Variants in PCDH11X observed in about 807,000 individuals in gnomAD.
The protein encoded by PCDH11X is protocadherin-11 X-linked.
A neutral mutation model predicts 53.3 loss-of-function variants in PCDH11X; 18 were observed. That is an observed-to-expected ratio of 0.34 (90% CI 0.23 to 0.50). PCDH11X has a LOEUF of 0.50. Among genes scored for constraint, PCDH11X ranks in the 20% least tolerant of loss-of-function variants. PCDH11X has a pLI of 0.98. For synonymous variants in PCDH11X, 279 were observed against 393.3 expected (o/e 0.71, Z 3.44); for missense variants, 570 against 1,032.4 (o/e 0.55, Z 6.14).
At chrX:92,321,320 G>A (rs2069201600) in intron 8 of PCDH11X, among the ~76,000 whole-genome samples, 1 of 107,308 alleles carries the variant, frequency 9.3e-6, no homozygotes, top group African/African-American at 3.4e-5. Flanking sequence ...AGCCTCCCGA[G>A]TAGCTGGAAC....
At position 92,214,055 on chromosome X, in the gene PCDH11X, A is replaced by G. The variant is rs373708572; in HGVS notation, c.3114+12600A>G. Among the ~76,000 whole-genome samples the G allele has an allele frequency of 2.8e-4, 31 of 111,873 alleles. 2 individuals carry two copies. In the South Asian group the frequency reaches 0.011, roughly 38 times the overall value. On this transcript the variant is annotated intron_variant, in intron 7 of 10. Coordinates refer to ENST00000682573, the MANE Select transcript of PCDH11X (RefSeq NM_032968.5). Reference sequence around the variant, plus strand: ...TGTAATCACAGAAGTAGCCTTGTTGATAACACTGAAACCAAGCTGCTAAAA... The same window carrying G: ...TGTAATCACAGAAGTAGCCTTGTTGGTAACACTGAAACCAAGCTGCTAAAA...
At chrX:92,039,547 G>T (rs1334427436) in intron 6 of PCDH11X, among the ~76,000 whole-genome samples, 2 of 110,602 alleles carry the variant, frequency 1.8e-5, no homozygotes, top group African/African-American at 6.6e-5. Context: ...TTCACTTAAA[G>T]CCCAAGGGCT....
intron 9 of PCDH11X, among the ~76,000 whole-genome samples, chrX:92,452,685 G>A (rs1176268822): frequency 1.1e-5 from 1 of 89,732 alleles, no homozygotes; most frequent in Non-Finnish European, 2.2e-5. Flanking sequence ...TTTTAGTAGA[G>A]ACGGGGTTTC....
intron 10 of PCDH11X, among the ~76,000 whole-genome samples, chrX:92,558,081 C>T (rs2075073584): frequency 9.0e-6 from 1 of 111,073 alleles, no homozygotes; most frequent in Non-Finnish European, 1.9e-5. Context: ...TTATCTCCCG[C>T]TGGTTCTCTC....
At chrX:92,466,463 G>GAT (rs773066490) in intron 9 of PCDH11X, among the ~76,000 whole-genome samples, 1,664 of 107,390 alleles carry the variant, frequency 0.015, 27 homozygotes, top group African/African-American at 0.053. Flanking sequence ...GATATATATA[G>GAT]ATATATATAT....
At chrX:92,134,238 T>A (rs980344836) in intron 6 of PCDH11X, among the ~76,000 whole-genome samples, 10 of 111,357 alleles carry the variant, frequency 9.0e-5, no homozygotes, top group Admixed American at 5.8e-4. Flanking sequence ...ACAAGGAATT[T>A]CCTTGTGGGC....
chrX:92,428,095 G>A (rs956723566), intron 9 of PCDH11X, among the ~76,000 whole-genome samples: 3 of 102,970 alleles, frequency 2.9e-5, no homozygotes, highest in Admixed American at 1.1e-4. Context: ...AAATGATAGC[G>A]CAGCATCTCT....
At position 92,278,806 on chromosome X, in the gene PCDH11X, G is replaced by GT. The variant is rs35000823; in HGVS notation, c.3144+15685dup. ...TCAGAGGCCTGACAGTCTCTTTTCA[G>GT]TTTTTTTTTTTTTTTTTTTTTTGAG... On this transcript the variant is annotated intron_variant, in intron 8 of 10. Coordinates refer to ENST00000682573, the MANE Select transcript of PCDH11X (RefSeq NM_032968.5). Among the ~76,000 whole-genome samples the GT allele has an allele frequency of 7.3e-3, 346 of 47,338 alleles. 10 individuals carry two copies. Among genetic ancestry groups the GT allele is most frequent in the African/African-American group, 0.026 (276 of 10,801 alleles). The allele number at this position is 47,338 out of a possible 115,157, so 41.1% of individuals were successfully genotyped here.
In PCDH11X at chrX:91,817,501, G is replaced by T. The variant is rs191030705; in HGVS notation, c.-45+6206G>T. 8.2e-5 allele frequency among the ~76,000 whole-genome samples: 9 copies of T among 110,042 alleles called. No homozygotes were observed. In the Admixed American group the frequency reaches 8.8e-4, roughly 11 times the overall value. On this transcript the variant is annotated intron_variant, in intron 4 of 10. Coordinates refer to ENST00000682573, the MANE Select transcript of PCDH11X (RefSeq NM_032968.5). ...GTCCTGGGTGCAGGCATAGTTGAAG[G>T]TTACTGACCTTCTGATCTAGATTAG...
chrX:91,910,695 T>C (rs931040977), intron 6 of PCDH11X, among the ~76,000 whole-genome samples: 4 of 111,552 alleles, frequency 3.6e-5, no homozygotes, highest in Admixed American at 1.9e-4. Flanking sequence ...TTTGGAAAGA[T>C]TTTTATATCA....
chrX:92,353,240 T>C (rs2755404), intron 8 of PCDH11X, among the ~76,000 whole-genome samples: 29 of 112,200 alleles, frequency 2.6e-4, no homozygotes, highest in Non-Finnish European at 3.2e-4. Flanking sequence ...CTAGGATTTT[T>C]ATTTCACTGA....
At chrX:91,981,201 C>T (rs2062131663) in intron 6 of PCDH11X, among the ~76,000 whole-genome samples, 1 of 107,949 alleles carries the variant, frequency 9.3e-6, no homozygotes, top group Non-Finnish European at 1.9e-5. Flanking sequence ...ATAGCTAACT[C>T]GACAGTGCTA....
chrX:92,103,301 T>C (rs2064302510), intron 6 of PCDH11X, among the ~76,000 whole-genome samples: 1 of 105,489 alleles, frequency 9.5e-6, no homozygotes, highest in South Asian at 4.3e-4. Flanking sequence ...GTGGGGGGAG[T>C]TTTAAGAGGT....
intron 6 of PCDH11X, among the ~76,000 whole-genome samples, chrX:91,936,652 GTGTT>G (rs2147849068): frequency 9.5e-6 from 1 of 104,959 alleles, no homozygotes; most frequent in African/African-American, 3.4e-5. Flanking sequence ...ATATTTGAAG[GTGTT>G]TGTTTATTTG....
At chrX:92,534,067 G>T (rs1166306893) in intron 10 of PCDH11X, among the ~76,000 whole-genome samples, 1 of 102,967 alleles carries the variant, frequency 9.7e-6, no homozygotes, top group African/African-American at 3.6e-5. Context: ...CGAGTTGACA[G>T]AAGTAGGCTT....
chrX:92,475,308 A>T, intron 10 of PCDH11X, among the ~76,000 whole-genome samples: 1 of 108,226 alleles, frequency 9.2e-6, no homozygotes, highest in Middle Eastern at 5.1e-3. Flanking sequence ...TTAACATTCT[A>T]TTCTTTTTAA....
At position 91,833,840 on chromosome X, in the gene PCDH11X, C is replaced by T. The variant is rs557691855; in HGVS notation, c.-44-1621C>T. On this transcript the variant is annotated intron_variant, in intron 4 of 10. Coordinates refer to ENST00000682573, the MANE Select transcript of PCDH11X (RefSeq NM_032968.5). Reference sequence around the variant, plus strand: ...TCATATAACACATTGCTTGGCATAACCAGAGCACAATATCCATAACAAGTT... The same window carrying T: ...TCATATAACACATTGCTTGGCATAATCAGAGCACAATATCCATAACAAGTT... Among the ~76,000 whole-genome samples the T allele has an allele frequency of 2.6e-3, 286 of 111,612 alleles. 2 individuals carry two copies. Among genetic ancestry groups the T allele is most frequent in the African/African-American group, 9.2e-3 (282 of 30,797 alleles).
chrX:92,603,999 T>C (rs1207693223), intron 10 of PCDH11X, among the ~76,000 whole-genome samples: 1 of 107,085 alleles, frequency 9.3e-6, no homozygotes, highest in African/African-American at 3.4e-5. Flanking sequence ...TAATTATATA[T>C]ACACAATTAT....
At chrX:91,901,993 G>T (rs1940971977) in intron 6 of PCDH11X, among the ~76,000 whole-genome samples, 1 of 111,207 alleles carries the variant, frequency 9.0e-6, no homozygotes, top group Admixed American at 9.7e-5. Flanking sequence ...GAAAGAAAAA[G>T]TCCCAGTTGG....
Sources: gnomAD v4.1 joint callset for allele counts (sites outside exome capture counted in the v4.1 genomes callset) on GRCh38, gnomAD v4.1.1 for gene constraint, MANE v1.5 for transcripts, NCBI Gene and HGNC (gene_info 2026-07-23, HGNC 2026-07-21) for gene names.